The following NAP1L4 variants were observed in gnomAD, a reference collection of about 807,000 sequenced individuals.
NAP1L4 encodes the protein nucleosome assembly protein 1 like 4.
Under a neutral mutation model 58.2 loss-of-function variants are expected in NAP1L4, and 15 were observed. The observed-to-expected ratio is 0.26, with a 90% CI of 0.17 to 0.40. The LOEUF is 0.40. NAP1L4 is among the 10% of genes least tolerant of loss of function. NAP1L4 has a pLI of 1.00. For missense variants in NAP1L4, 384 were observed against 451.1 expected (o/e 0.85, Z 1.35); for synonymous variants, 171 against 155.6 (o/e 1.10, Z -0.74).
intron 10 of NAP1L4, among the ~76,000 whole-genome samples, chr11:2,957,064 AG>A (rs1846588073): frequency 6.6e-6 from 1 of 151,828 alleles, no homozygotes; most frequent in African/African-American, 2.4e-5. Context: ...ATACCCTAAA[AG>A]TTTTAGAATC....
chr11:2,992,075 G>C (rs1162065271), intron 1 of NAP1L4, 179 bp downstream of exon 1: 1 of 151,512 alleles, frequency 6.6e-6, no homozygotes, highest in Non-Finnish European at 1.5e-5. Flanking sequence ...CCCAGGCCCC[G>C]CCGCGGCCGC....
In NAP1L4 at chr11:2,951,318, G is replaced by C. The variant is rs1159412457; in HGVS notation, c.1066-3C>G. On this transcript the variant is annotated splice_polypyrimidine_tract_variant and splice_region_variant and intron_variant, in intron 13 of 15. Transcript: ENST00000380542. This position sits in a 1 kb window ranked among gnomAD's most constrained non-coding sequence, Gnocchi z 4.0. ...CCCTCCTCGTCACCTTCTAATTCCT[G>C]TATTTAAAAAGTGAGAATTAGCTGG... The C allele has an allele frequency of 6.2e-7, 1 of 1,613,164 alleles. No individual in the cohort carries two copies. The highest frequency in any genetic ancestry group is 8.5e-7 in the Non-Finnish European group (1 of 1,179,356).
At position 2,954,402 on chromosome 11, in the gene NAP1L4, C is replaced by T. The variant is rs755948968; in HGVS notation, c.1035+125G>A. On this transcript the variant is annotated intron_variant, in intron 12 of 15. Coordinates refer to ENST00000380542, the MANE Select transcript of NAP1L4 (RefSeq NM_005969.4). This position sits in a 1 kb window ranked among gnomAD's most constrained non-coding sequence, Gnocchi z 4.8. ...ACAACAAGGACAGCAGCTTGGACTA[C>T]ATATCTGGCTGATGATGTAATAAAA... The T allele has an allele frequency of 1.2e-5, 17 of 1,369,522 alleles. No individual in the cohort carries two copies. Among genetic ancestry groups the T allele is most frequent in the Non-Finnish European group, 1.7e-5 (17 of 972,212 alleles). The allele number at this position is 1,369,522 out of a possible 1,614,324, so 84.8% of individuals were successfully genotyped here. A position where few individuals can be genotyped will look rare whatever the true frequency, so the allele number is the denominator to read the frequency against.
chr11:2,956,662 G>C (rs2237906), intron 10 of NAP1L4, among the ~76,000 whole-genome samples: 6 of 152,354 alleles, frequency 3.9e-5, no homozygotes, highest in Admixed American at 1.3e-4. Context: ...AGGGGTTTTA[G>C]ACATGGGTTA....
chr11:2,983,037 A>C (rs1475013108), intron 1 of NAP1L4, among the ~76,000 whole-genome samples: 1 of 152,126 alleles, frequency 6.6e-6, no homozygotes, highest in African/African-American at 2.4e-5. Flanking sequence ...AACAAAAAAC[A>C]AAAAACCTGT....
At position 2,979,246 on chromosome 11, in the gene NAP1L4, TAA is replaced by T; in HGVS notation, c.-17-11_-17-10del. ...CTGAATGTTTTTATCCCCTATAAAT[TAA>T]AAAGAGTTGTAATAATTATATTCAT... On this transcript the variant is annotated splice_polypyrimidine_tract_variant and intron_variant, in intron 1 of 15. Transcript: ENST00000380542. 1 of 1,599,910 alleles carries T rather than the reference TAA, an allele frequency of 6.3e-7. No individual in the cohort carries two copies. Among genetic ancestry groups the T allele is most frequent in the Non-Finnish European group, 8.5e-7 (1 of 1,171,110 alleles).
intron 1 of NAP1L4, among the ~76,000 whole-genome samples, chr11:2,980,851 G>C (rs1463945145): frequency 6.6e-6 from 1 of 151,786 alleles, no homozygotes; most frequent in African/African-American, 2.4e-5. Flanking sequence ...CTATTTTTAA[G>C]ATTCAAAATA....
chr11:2,973,283 AATCAGAAGAAAAAT>A (rs1250690185), intron 4 of NAP1L4, among the ~76,000 whole-genome samples: 1 of 152,224 alleles, frequency 6.6e-6, no homozygotes, highest in East Asian at 1.9e-4. Context: ...AACTTTTATA[AATCAGAAGAAAAAT>A]CCTTGTTTAA....
In NAP1L4 at chr11:2,944,498, T is replaced by A. The variant is rs10670; in HGVS notation, c.*1181A>T. On this transcript the variant is annotated 3_prime_UTR_variant, in exon 16 of 16. Transcript: ENST00000380542. ...TTCTGTACAAATTGAAAACACTGTA[T>A]TCAGTTACAAATGTGTTCTAAGGTT... The A allele has an allele frequency of 0.012, 1,891 of 152,392 alleles. 13 individuals are homozygous for A. Among genetic ancestry groups the A allele is most frequent in the Middle Eastern group, 0.024 (7 of 294 alleles). 9.4% of individuals were successfully genotyped at this position (152,392 alleles called of 1,614,324 possible).
chr11:2,958,774 C>A, intron 9 of NAP1L4: 2 of 543,730 alleles, frequency 3.7e-6, no homozygotes, highest in Non-Finnish European at 6.5e-6. Context: ...ACTTCTGGAA[C>A]AATGGTATTA....
In NAP1L4 at chr11:2,945,630, G is replaced by A. The variant is rs1845900953; in HGVS notation, c.*49C>T. On this transcript the variant is annotated 3_prime_UTR_variant, in exon 16 of 16. Transcript: ENST00000380542. ...TTCCTACTGCTGCTTGCATTCCGCC[G>A]GCTGGCTGGGTTCCTTCTGTCAATG... 2.6e-6 allele frequency: 4 copies of A among 1,535,968 alleles called. No homozygotes were observed. The highest frequency in any genetic ancestry group is 2.4e-5 in the East Asian group (1 of 40,896).
chr11:2,968,994 T>TTG (rs1847464805), intron 7 of NAP1L4, among the ~76,000 whole-genome samples: 1 of 111,850 alleles, frequency 8.9e-6, no homozygotes, highest in Non-Finnish European at 1.7e-5. Context: ...TGTTGTTTTT[T>TTG]TTTTTTTTTT....
At position 2,944,866 on chromosome 11, in the gene NAP1L4, C is replaced by A. The variant is rs577120719; in HGVS notation, c.*813G>T. The A allele has an allele frequency of 6.6e-6, 1 of 152,386 alleles. No individual in the cohort carries two copies. The highest frequency in any genetic ancestry group is 2.4e-5 in the African/African-American group (1 of 41,602). 9.4% of individuals were successfully genotyped at this position (152,386 alleles called of 1,614,324 possible). ...GGGAGCGGCGTTTCTTCCGCACAGGCCTTGCGCCTGCTAGGAAGTGGCACA... is the reference window on the plus strand; with the variant it reads ...GGGAGCGGCGTTTCTTCCGCACAGGACTTGCGCCTGCTAGGAAGTGGCACA... On this transcript the variant is annotated 3_prime_UTR_variant, in exon 16 of 16. Transcript: ENST00000380542.
chr11:2,981,353 G>A (rs1454595929), intron 1 of NAP1L4, among the ~76,000 whole-genome samples: 1 of 145,856 alleles, frequency 6.9e-6, no homozygotes, highest in African/African-American at 2.5e-5. Flanking sequence ...GAGGCCTGGC[G>A]GCTGCAGTGA....
rs1442970249 is a variant in NAP1L4, at chr11:2,971,369, GTCATTAAAAA to G, written c.402+69_402+78del. On this transcript the variant is annotated intron_variant, in intron 6 of 15. Transcript: ENST00000380542. This position sits in a 1 kb window ranked among gnomAD's most constrained non-coding sequence, Gnocchi z 4.2. ...CTGTTAGAAGCACATAAGTTTACTA[GTCATTAAAAA>G]TCATTAAAAAATGCTTATTTTTAAC... 11 of 1,263,968 alleles carry G rather than the reference GTCATTAAAAA, an allele frequency of 8.7e-6. No individual in the cohort carries two copies. The highest frequency in any genetic ancestry group is 7.3e-5 in the East Asian group (3 of 40,862). The allele number at this position is 1,263,968 out of a possible 1,614,324, so 78.3% of individuals were successfully genotyped here.
intron 3 of NAP1L4, among the ~76,000 whole-genome samples, chr11:2,976,616 G>A (rs79811307): frequency 6.6e-6 from 1 of 152,174 alleles, no homozygotes. Flanking sequence ...TGTTCCCTAA[G>A]TTTTCTTTGC....
chr11:2,956,199 G>A (rs1025957248), intron 10 of NAP1L4, among the ~76,000 whole-genome samples: 1 of 152,232 alleles, frequency 6.6e-6, no homozygotes, highest in African/African-American at 2.4e-5. Context: ...AGCTGTGAGT[G>A]TTACTAAGGC....
chr11:2,964,023 A>G, intron 8 of NAP1L4: 1 of 428,772 alleles, frequency 2.3e-6, no homozygotes, highest in Non-Finnish European at 4.6e-6. Context: ...GATCCATGCC[A>G]CTAACATTAC....
At chr11:2,979,822 C>T (rs1848198331) in intron 1 of NAP1L4, among the ~76,000 whole-genome samples, 1 of 151,880 alleles carries the variant, frequency 6.6e-6, no homozygotes, top group Non-Finnish European at 1.5e-5. Flanking sequence ...CTAAAATAAC[C>T]AGACTTCAGA....
Sources: gnomAD v4.1 joint callset for allele counts (sites outside exome capture counted in the v4.1 genomes callset) on GRCh38, gnomAD v4.1.1 for gene constraint, Gnocchi (gnomAD v3.1) non-coding constraint, MANE v1.5 for transcripts, NCBI Gene and HGNC (gene_info 2026-07-23, HGNC 2026-07-21) for gene names.